Variants in ENTREP2 observed in about 807,000 individuals in gnomAD.
ENTREP2 encodes protein ENTREP2.
At chr15:29,359,561 C>T in the ENTREP2 span, among the ~76,000 whole-genome samples, 1 of 152,166 alleles carries the variant, frequency 6.6e-6, no homozygotes, top group Admixed American at 6.5e-5. Context: ...TAGGGGCATG[C>T]ACCACCACAC....
At chr15:29,236,932 A>G in the ENTREP2 span, among the ~76,000 whole-genome samples, 5 of 152,156 alleles carry the variant, frequency 3.3e-5, no homozygotes, top group Non-Finnish European at 7.3e-5. Flanking sequence ...AAGAAAAACA[A>G]CCATAAACCA....
chr15:29,341,570 C>T, the ENTREP2 span, among the ~76,000 whole-genome samples: 20 of 152,216 alleles, frequency 1.3e-4, no homozygotes, highest in Non-Finnish European at 1.6e-4. Context: ...ATGCAACACA[C>T]GCTCACATGT....
chr15:29,310,572 CAGG>C, the ENTREP2 span, among the ~76,000 whole-genome samples: 102 of 152,292 alleles, frequency 6.7e-4, no homozygotes, highest in African/African-American at 2.3e-3. Flanking sequence ...GAGCCTCTGA[CAGG>C]AGAAGAGAAA....
the ENTREP2 span, chr15:29,122,583 T>C: frequency 6.6e-6 from 1 of 151,432 alleles, no homozygotes; most frequent in East Asian, 2.0e-4. Flanking sequence ...AGGGACAGGA[T>C]GGGAGCCTGG....
chr15:29,653,775 C>G, the ENTREP2 span, among the ~76,000 whole-genome samples: 1 of 151,088 alleles, frequency 6.6e-6, no homozygotes, highest in Non-Finnish European at 1.5e-5. Context: ...CTAATACACA[C>G]ACCAACAATG....
chr15:29,643,323 A>G, the ENTREP2 span, among the ~76,000 whole-genome samples: 8 of 152,238 alleles, frequency 5.3e-5, no homozygotes, highest in African/African-American at 9.6e-5. Flanking sequence ...AAAGGATTAG[A>G]ATAGATAGAC....
the ENTREP2 span, among the ~76,000 whole-genome samples, chr15:29,338,609 AAGAGCTCCTCGGCC>A: frequency 6.6e-6 from 1 of 151,668 alleles, no homozygotes; most frequent in Non-Finnish European, 1.5e-5. Context: ...TGGTGTCTGG[AAGAGCTCCTCGGCC>A]AGCCATCACT....
the ENTREP2 span, among the ~76,000 whole-genome samples, chr15:29,507,658 G>A: frequency 6.6e-6 from 1 of 152,144 alleles, no homozygotes; most frequent in Admixed American, 6.5e-5. Context: ...TGACCACTGG[G>A]TAAATAACGA....
the ENTREP2 span, among the ~76,000 whole-genome samples, chr15:29,547,924 A>T: frequency 6.6e-6 from 1 of 152,226 alleles, no homozygotes; most frequent in Non-Finnish European, 1.5e-5. Flanking sequence ...ATTCTGATAC[A>T]TGCTAAACAT....
At chr15:29,525,954 A>G in the ENTREP2 span, among the ~76,000 whole-genome samples, 1 of 152,242 alleles carries the variant, frequency 6.6e-6, no homozygotes, top group Non-Finnish European at 1.5e-5. Context: ...CTACGAAAGT[A>G]ATTTCTTCAA....
chr15:29,335,177 G>C, the ENTREP2 span, among the ~76,000 whole-genome samples: 10 of 152,194 alleles, frequency 6.6e-5, no homozygotes. Flanking sequence ...ACTATATTTT[G>C]GGGTGGTTTA....
At chr15:29,596,024 C>T in the ENTREP2 span, among the ~76,000 whole-genome samples, 2 of 152,166 alleles carry the variant, frequency 1.3e-5, no homozygotes, top group Non-Finnish European at 2.9e-5. Context: ...GTTCCTTCCA[C>T]TGAAAATGGT....
the ENTREP2 span, among the ~76,000 whole-genome samples, chr15:29,412,405 G>A: frequency 4.6e-5 from 7 of 150,970 alleles, no homozygotes; most frequent in African/African-American, 1.7e-4. Context: ...ATTGATTTTT[G>A]GTATATTAAC....
the ENTREP2 span, among the ~76,000 whole-genome samples, chr15:29,226,261 T>TGTTTACTTTGCTAGGAAA: frequency 6.6e-5 from 10 of 152,342 alleles, no homozygotes; most frequent in South Asian, 1.4e-3. Flanking sequence ...TTGCTGGGAA[T>TGTTTACTTTGCTAGGAAA]GTTTACTTTG....
the ENTREP2 span, among the ~76,000 whole-genome samples, chr15:29,626,424 C>T: frequency 6.6e-6 from 1 of 152,214 alleles, no homozygotes; most frequent in South Asian, 2.1e-4. Flanking sequence ...GCTCTCTTGC[C>T]TGCCTCCATG....
At chr15:29,626,687 T>A in the ENTREP2 span, among the ~76,000 whole-genome samples, 1 of 152,204 alleles carries the variant, frequency 6.6e-6, no homozygotes, top group Non-Finnish European at 1.5e-5. Context: ...TCTTGCCTTA[T>A]TTTACTGACT....
chr15:29,580,283 G>A, the ENTREP2 span, among the ~76,000 whole-genome samples: 2 of 152,040 alleles, frequency 1.3e-5, no homozygotes, highest in Non-Finnish European at 2.9e-5. Flanking sequence ...GAATGGTTAG[G>A]GCACCCATGT....
At chr15:29,288,546 G>A in the ENTREP2 span, among the ~76,000 whole-genome samples, 4 of 152,110 alleles carry the variant, frequency 2.6e-5, no homozygotes, top group Non-Finnish European at 5.9e-5. Context: ...AGTAATTAAC[G>A]GTACAATATT....
At chr15:29,158,669 T>C in the ENTREP2 span, among the ~76,000 whole-genome samples, 1,394 of 152,284 alleles carry the variant, frequency 9.2e-3, 19 homozygotes, top group African/African-American at 0.031. Context: ...TTACAAATAC[T>C]GAAATCCACA....
Sources: allele counts gnomAD v4.1 joint callset (sites outside exome capture counted in the v4.1 genomes callset), GRCh38; gene constraint gnomAD v4.1.1; transcripts MANE v1.5; gene names NCBI Gene and HGNC (gene_info 2026-07-23, HGNC 2026-07-21).